The following BRAT1 variants were observed in gnomAD, a reference collection of about 807,000 sequenced individuals.
The protein encoded by BRAT1 is BRCA1 associated ATM activator 1.
A neutral mutation model predicts 70.6 loss-of-function variants in BRAT1; 74 were observed. The ratio of observed to expected loss-of-function variants is 1.05; its 90% CI spans 0.87 to 1.27. BRAT1 has a LOEUF of 1.27. Among genes scored for constraint, BRAT1 ranks in the 50% most tolerant of loss-of-function variants. The probability of loss-of-function intolerance (pLI) is 0.00; values close to 1 mark genes in which losing one functional copy is unlikely to be tolerated. For synonymous variants in BRAT1, 615 were observed against 517.1 expected (o/e 1.19, Z -2.57); for missense variants, 1,203 against 1,098.2 (o/e 1.10, Z -1.35).
chr7:2,555,301 G>A (rs1055585571), intron 1 of BRAT1, among the ~76,000 whole-genome samples, 186 bp downstream of exon 1: 9 of 152,146 alleles, frequency 5.9e-5, no homozygotes, highest in African/African-American at 2.2e-4. Flanking sequence ...TTGGCCGCGA[G>A]CGCCAGGCCC....
intron 11 of BRAT1, 32 bp downstream of exon 11, chr7:2,539,754 G>A: frequency 3.2e-6 from 5 of 1,587,208 alleles, no homozygotes; most frequent in Non-Finnish European, 4.3e-6. Flanking sequence ...TGCGACTCCA[G>A]CTCCGTTCAC....
chr7:2,539,056 A>ACAGCAGCAGCTGCT, intron 13 of BRAT1, 123 bp downstream of exon 13: 1 of 1,459,262 alleles, frequency 6.9e-7, no homozygotes, highest in Non-Finnish European at 9.1e-7. Flanking sequence ...TCACTGCTGC[A>ACAGCAGCAGCTGCT]GGCGCTGCCC....
Position 2,541,848 on chromosome 7 carries a change from G to C in BRAT1, c.1016-12C>G, listed in dbSNP as rs1221968947. 2.5e-6 allele frequency: 4 copies of C among 1,611,370 alleles called. No individual in the cohort carries two copies. In the East Asian group the frequency reaches 8.9e-5, roughly 36 times the overall value. On this transcript the variant is annotated splice_polypyrimidine_tract_variant and intron_variant, in intron 7 of 13. Transcript: ENST00000340611. The stretch of plus-strand genomic sequence containing the variant: ...CCCGTCCAGCAAGCCTGGGGGCCAA[G>C]CCAGGAAGAGCTCCCTTAGAGAGCA...
Position 2,538,504 on chromosome 7 carries a change from C to A in BRAT1, c.2031G>T (p.Val677=), listed in dbSNP as rs1778866297. Residue 677 remains valine, a synonymous_variant, in exon 14 of 14, where the codon GTG becomes GTT. Coordinates refer to ENST00000340611, the MANE Select transcript of BRAT1 (RefSeq NM_152743.4). Reference sequence around the variant, plus strand: ...GGGCTGGGGCCACCTCGGGTAGGGCCACGGCATAGGGGCAGTGGGTACGCG... The same window carrying A: ...GGGCTGGGGCCACCTCGGGTAGGGCAACGGCATAGGGGCAGTGGGTACGCG... The part of the protein sequence containing the change: ...GPPRTHCPYA[V]ALPEVAPAQP... 6.2e-7 allele frequency: 1 copy of A among 1,610,736 alleles called. No homozygotes were observed. The highest frequency in any genetic ancestry group is 8.5e-7 in the Non-Finnish European group (1 of 1,179,790).
At chr7:2,544,585 C>T (rs1042553311) in intron 4 of BRAT1, among the ~76,000 whole-genome samples, 7 of 152,136 alleles carry the variant, frequency 4.6e-5, no homozygotes, top group African/African-American at 7.2e-5. Context: ...ACTGTAGCCT[C>T]GAACCCCTGG....
rs755623076 is a variant in BRAT1, at chr7:2,538,735, G to A, written c.1800C>T (p.Leu600=). The change falls in exon 14 of 14, where the codon CTC becomes CTT. Residue 600 remains leucine (L), a synonymous_variant. Transcript: ENST00000340611. ...GTGGGAAGCCCTCCGAGTCTACGGAGAGGATGTGCAGGAGCTCCAGGAACA... is the reference window on the plus strand; with the variant it reads ...GTGGGAAGCCCTCCGAGTCTACGGAAAGGATGTGCAGGAGCTCCAGGAACA... ...QSLFLELLHI[L]SVDSEGFPRR... The A allele has an allele frequency of 6.3e-7, 1 of 1,598,454 alleles. No homozygotes were observed. Among genetic ancestry groups the A allele is most frequent in the Non-Finnish European group, 8.5e-7 (1 of 1,179,878 alleles).
intron 2 of BRAT1, among the ~76,000 whole-genome samples, chr7:2,551,140 T>G (rs968704217): frequency 6.6e-6 from 1 of 151,450 alleles, no homozygotes; most frequent in African/African-American, 2.4e-5. Context: ...CTCAGGAGGC[T>G]GAGGCAGGAG....
intron 7 of BRAT1, 47 bp downstream of exon 7, chr7:2,542,073 C>A: frequency 6.9e-7 from 1 of 1,444,140 alleles, no homozygotes. Flanking sequence ...TTCCCCCAGC[C>A]GCAGGGACCC....
At chr7:2,553,311 A>G (rs62442589) in intron 2 of BRAT1, among the ~76,000 whole-genome samples, 23,189 of 152,238 alleles carry the variant, frequency 0.15, 2,291 homozygotes, top group Non-Finnish European at 0.21. Flanking sequence ...GATTACAAGC[A>G]TGAGTCACCG....
In BRAT1 at chr7:2,546,047, C is replaced by T. The variant is rs1779585726; in HGVS notation, c.283-991G>A. Among the ~76,000 whole-genome samples the T allele has an allele frequency of 2.0e-5, 3 of 152,248 alleles. No homozygotes were observed. The South Asian group carries it at 6.2e-4, about 31-fold the overall frequency. On this transcript the variant is annotated intron_variant, in intron 3 of 13. Transcript: ENST00000340611. ...TGGTAGACGGGCAAGGGCCCTGAAG[C>T]TCACACCACGCATCCCGACAGACTC...
chr7:2,538,206 T>C lies in BRAT1; in HGVS notation c.2329A>G (p.Arg777Gly), dbSNP rs773571503. 4.9e-5 allele frequency: 79 copies of C among 1,609,806 alleles called. No individual in the cohort carries two copies. In the Admixed American group the frequency reaches 6.0e-4, roughly 12 times the overall value. The change falls in exon 14 of 14, where the codon AGG (arginine) becomes GGG (glycine). Residue 777 changes from arginine (R) to glycine (G), a missense_variant. Coordinates refer to ENST00000340611, the MANE Select transcript of BRAT1 (RefSeq NM_152743.4). ...QEPEAVLAML[R>G]SLDLEGLRST... ...CGCAGGCCCTCCAGGTCTAGGGACC[T>C]GAGCATGGCCAGCACAGCCTCAGGC... is the stretch of plus-strand genomic sequence containing the variant.
At chr7:2,552,177 G>T (rs1211874523) in intron 2 of BRAT1, among the ~76,000 whole-genome samples, 2 of 129,978 alleles carry the variant, frequency 1.5e-5, no homozygotes, top group Non-Finnish European at 3.1e-5. Flanking sequence ...GAGTGCAATG[G>T]CGTTATCTCG....
chr7:2,540,180 G>A (rs547961787), intron 10 of BRAT1: 6 of 366,482 alleles, frequency 1.6e-5, no homozygotes, highest in South Asian at 1.4e-4. Flanking sequence ...CACCACGCCT[G>A]GCTAATTTTT....
rs1349653792 is a variant in BRAT1 at position 2,538,250 on chromosome 7, T to A, written c.2285A>T (p.Gln762Leu). The change falls in exon 14 of 14, where the codon CAG becomes CTG. Residue 762 changes from glutamine (Q) to leucine (L), a missense_variant. Gln to Leu is a moderately radical substitution (Grantham distance 113). Coordinates refer to ENST00000340611, the MANE Select transcript of BRAT1 (RefSeq NM_152743.4). ...CTCAGGCTCCTGGTCCCCTGGGGGC[T>A]GGGCCTGCTCACCCGCCCGCCACCT... Reference protein sequence around the residue: ...LPRWRAGEQAQPPGDQEPEAV... With the variant: ...LPRWRAGEQALPPGDQEPEAV... 2 of 1,610,468 alleles carry A rather than the reference T, an allele frequency of 1.2e-6. No homozygotes were observed. Among genetic ancestry groups the A allele is most frequent in the Admixed American group, 1.7e-5 (1 of 59,912 alleles).
At chr7:2,553,915 G>A (rs1451925592) in intron 2 of BRAT1, among the ~76,000 whole-genome samples, 2 of 151,924 alleles carry the variant, frequency 1.3e-5, no homozygotes, top group African/African-American at 2.4e-5. Flanking sequence ...CCAAAGTGCT[G>A]GGATTACAGG....
chr7:2,547,149 T>C (rs1228520855), intron 3 of BRAT1, among the ~76,000 whole-genome samples, 175 bp downstream of exon 3: 9 of 152,176 alleles, frequency 5.9e-5, no homozygotes, highest in Non-Finnish European at 1.2e-4. Context: ...CGGGCGAATT[T>C]TTCAAAGGGG....
At chr7:2,541,669 C>A in intron 8 of BRAT1, 49 bp downstream of exon 8, 2 of 1,555,792 alleles carry the variant, frequency 1.3e-6, no homozygotes, top group Non-Finnish European at 1.7e-6. Flanking sequence ...TGCGGTCCCA[C>A]CGCCAGCGTG....
In BRAT1 at chr7:2,543,340, G is replaced by T. The variant is rs201793719; in HGVS notation, c.804-17C>A. 4.0e-5 allele frequency: 63 copies of T among 1,567,668 alleles called. No individual in the cohort carries two copies. In the Middle Eastern group the frequency reaches 5.1e-4, roughly 13 times the overall value. ...ACGGGAGAACTGCAGGGAGACCCCA[G>T]AGAGAAAAATTACTCCCCCACCCTC... On this transcript the variant is annotated splice_polypyrimidine_tract_variant and intron_variant, in intron 5 of 13. Transcript: ENST00000340611. The surrounding 1 kb of genome is among the most constrained non-coding windows in gnomAD (Gnocchi z 5.5).
At chr7:2,540,956 G>A (rs914256763) in intron 10 of BRAT1, 23 bp downstream of exon 10, 8 of 1,515,236 alleles carry the variant, frequency 5.3e-6, no homozygotes, top group Non-Finnish European at 6.1e-6. Flanking sequence ...TCCTCTCCTC[G>A]CTCTCTATCC....
Sources: gnomAD v4.1 joint callset for allele counts (sites outside exome capture counted in the v4.1 genomes callset) on GRCh38, gnomAD v4.1.1 for gene constraint, Gnocchi (gnomAD v3.1) non-coding constraint, MANE v1.5 for transcripts, NCBI Gene and HGNC (gene_info 2026-07-23, HGNC 2026-07-21) for gene names.